The following KCNC4 variants were observed in gnomAD, a reference collection of about 807,000 sequenced individuals.
KCNC4 encodes the protein potassium voltage-gated channel subfamily C member 4, also known as voltage-gated potassium channel KCNC4.
KCNC4 carries 23 observed loss-of-function variants against 42.8 expected under a neutral mutation model. The observed-to-expected ratio is 0.54, with a 90% CI of 0.39 to 0.76. KCNC4 has a LOEUF of 0.76. Ranked by LOEUF, KCNC4 falls within the 30% of genes least tolerant of loss-of-function variation. The pLI is 0.00. For synonymous variants in KCNC4, 422 were observed against 393.5 expected, an observed-to-expected ratio of 1.07 and a Z score of -0.86; for missense variants, 751 against 898.2, an observed-to-expected ratio of 0.84 and a Z score of 2.10.
At position 110,211,359 on chromosome 1, in the gene KCNC4, CA is replaced by C. The variant is rs964820226; in HGVS notation, c.-139del. ...CGCGTCCTAGGGGGATAGGCAGGGGCAAGCCCAAGCCGCAGAGGGGGCCGCC... is the reference window on the plus strand; with the variant it reads ...CGCGTCCTAGGGGGATAGGCAGGGGCAGCCCAAGCCGCAGAGGGGGCCGCC... On this transcript the variant is annotated 5_prime_UTR_variant, in exon 1 of 4. Transcript: ENST00000438661. This position sits in a 1 kb window ranked among gnomAD's most constrained non-coding sequence, Gnocchi z 6.5. 3.1e-6 allele frequency: 4 copies of C among 1,282,184 alleles called. No homozygotes were observed. The African/African-American group carries it at 6.0e-5, about 19-fold the overall frequency. The allele number at this position is 1,282,184 out of a possible 1,614,324, so 79.4% of individuals were successfully genotyped here.
At chr1:110,232,716 C>T (rs903445369) in intron 3 of KCNC4, 195 bp from the exon 4 acceptor site, 17 of 1,506,084 alleles carry the variant, frequency 1.1e-5, no homozygotes, top group Non-Finnish European at 1.4e-5. Context: ...CCCTGGGTTC[C>T]TCATGCCTTC....
At chr1:110,214,425 A>G (rs916373761) in intron 1 of KCNC4, among the ~76,000 whole-genome samples, 3 of 152,152 alleles carry the variant, frequency 2.0e-5, no homozygotes, top group African/African-American at 7.2e-5. Flanking sequence ...GGCAAAGGCA[A>G]CCCTCACCTG....
At chr1:110,261,689 C>T (rs1341173395) in intron 1 of KCNC4, among the ~76,000 whole-genome samples, 3 of 152,048 alleles carry the variant, frequency 2.0e-5, no homozygotes, top group Non-Finnish European at 4.4e-5. Flanking sequence ...AAGTTAAAGC[C>T]ATATGTGCAC....
chr1:110,248,047 T>C (rs1659185954), exon 4 of KCNC4: 1 of 152,186 alleles, frequency 6.6e-6, no homozygotes. Context: ...TATGTAGATA[T>C]GGTAGGAAAA....
chr1:110,276,355 A>G (rs541169142), intron 1 of KCNC4, among the ~76,000 whole-genome samples: 2 of 151,688 alleles, frequency 1.3e-5, no homozygotes, highest in African/African-American at 4.8e-5. Flanking sequence ...TTATACGTGA[A>G]GAATGGGTTA....
At position 110,223,300 on chromosome 1, in the gene KCNC4, GC is replaced by G; in HGVS notation, c.1018del (p.Arg340AlafsTer35). 1 of 1,614,140 alleles carries G rather than the reference GC, an allele frequency of 6.2e-7. No homozygotes were observed. ...VGLSGLSSKA[A>X]RDVLGFLRVV... The stretch of plus-strand genomic sequence containing the variant: ...GCTGAGCGGCCTGTCATCCAAGGCG[GC>G]CCGCGACGTGCTGGGCTTCCTGCGC... On this transcript the variant is annotated frameshift_variant, in exon 2 of 4. Coordinates refer to ENST00000438661, the MANE Select transcript of KCNC4 (RefSeq NM_001039574.3). LOFTEE classifies it high-confidence loss of function. This position sits in a 1 kb window ranked among gnomAD's most constrained non-coding sequence, Gnocchi z 7.5.
chr1:110,276,810 A>G (rs908576585), intron 1 of KCNC4, among the ~76,000 whole-genome samples: 1 of 152,190 alleles, frequency 6.6e-6, no homozygotes, highest in African/African-American at 2.4e-5. Flanking sequence ...TCATGCAGGA[A>G]TAGTGTTATC....
At chr1:110,241,131 A>C (rs10857816) in exon 4 of KCNC4, 1 of 151,956 alleles carries the variant, frequency 6.6e-6, no homozygotes, top group Non-Finnish European at 1.5e-5. Flanking sequence ...GGTGGTGACA[A>C]GCTGGGTTTC....
chr1:110,212,207 C>T, intron 1 of KCNC4, 30 bp downstream of exon 1: 1 of 1,435,630 alleles, frequency 7.0e-7, no homozygotes, highest in Non-Finnish European at 9.0e-7. Context: ...GTCTCCCCAT[C>T]TTGGGTCTGC....
Position 110,223,050 on chromosome 1 carries a change from C to T in KCNC4, c.765C>T (p.Arg255=). 1 of 1,614,188 alleles carries T rather than the reference C, an allele frequency of 6.2e-7. No homozygotes were observed. The highest frequency in any genetic ancestry group is 1.1e-5 in the South Asian group (1 of 91,090). ...LETHEAFNID[R]NVTEILRVGN... ...CCCATGAGGCCTTTAATATCGACCGCAACGTGACAGAGATCCTCCGCGTAG... is the reference window on the plus strand; with the variant it reads ...CCCATGAGGCCTTTAATATCGACCGTAACGTGACAGAGATCCTCCGCGTAG... Residue 255 remains arginine, a synonymous_variant, in exon 2 of 4, where the codon CGC becomes CGT. Coordinates refer to ENST00000438661, the MANE Select transcript of KCNC4 (RefSeq NM_001039574.3). This position sits in a 1 kb window ranked among gnomAD's most constrained non-coding sequence, Gnocchi z 7.5.
At chr1:110,221,185 G>A (rs1018353895) in intron 1 of KCNC4, 17 of 152,230 alleles carry the variant, frequency 1.1e-4, no homozygotes, top group African/African-American at 3.9e-4. Flanking sequence ...CCTGTGAATT[G>A]ACCCTGCCTG....
In KCNC4 at chr1:110,211,352, G is replaced by T; in HGVS notation, c.-148G>T. ...CCCGCTCCGCGTCCTAGGGGGATAG[G>T]CAGGGGCAAGCCCAAGCCGCAGAGG... On this transcript the variant is annotated 5_prime_UTR_variant, in exon 1 of 4. Coordinates refer to ENST00000438661, the MANE Select transcript of KCNC4 (RefSeq NM_001039574.3). This position sits in a 1 kb window ranked among gnomAD's most constrained non-coding sequence, Gnocchi z 6.5. The T allele has an allele frequency of 2.5e-6, 3 of 1,192,268 alleles. No homozygotes were observed. The highest frequency in any genetic ancestry group is 2.3e-6 in the Non-Finnish European group (2 of 868,342). The allele number at this position is 1,192,268 out of a possible 1,614,324, so 73.9% of individuals were successfully genotyped here.
chr1:110,227,106 C>T (rs781539128), intron 3 of KCNC4, among the ~76,000 whole-genome samples: 35 of 152,190 alleles, frequency 2.3e-4, no homozygotes, highest in Non-Finnish European at 4.3e-4. Context: ...TGACTCCCTC[C>T]AAAACAGAGC....
intron 1 of KCNC4, among the ~76,000 whole-genome samples, chr1:110,268,599 C>A: frequency 9.7e-6 from 1 of 103,520 alleles, no homozygotes; most frequent in Non-Finnish European, 1.8e-5. Flanking sequence ...GAGCAAGAGA[C>A]TGTCTCAAAA....
At chr1:110,212,877 G>C (rs1172812248) in intron 1 of KCNC4, among the ~76,000 whole-genome samples, 4 of 152,164 alleles carry the variant, frequency 2.6e-5, no homozygotes, top group Non-Finnish European at 5.9e-5. Flanking sequence ...AACACGAAGG[G>C]CCTAGCGTTC....
exon 4 of KCNC4, chr1:110,247,897 C>T (rs891068771): frequency 5.9e-5 from 9 of 152,220 alleles, no homozygotes; most frequent in Non-Finnish European, 7.3e-5. Flanking sequence ...CAGAATGTTT[C>T]GCCCCTTAGC....
chr1:110,263,905 G>C (rs1055583167), intron 1 of KCNC4, among the ~76,000 whole-genome samples: 8 of 152,030 alleles, frequency 5.3e-5, no homozygotes, highest in African/African-American at 7.2e-5. Flanking sequence ...CTCTCCTCTG[G>C]GTACAAAGCT....
chr1:110,283,202 CG>C (rs1020908898), downstream of KCNC4: 3 of 152,120 alleles, frequency 2.0e-5, no homozygotes, highest in Admixed American at 2.0e-4. Context: ...AGAGAGCAAG[CG>C]CTGACTACCA....
chr1:110,220,678 C>A (rs1297351855), intron 1 of KCNC4: 1 of 152,204 alleles, frequency 6.6e-6, no homozygotes, highest in Non-Finnish European at 1.5e-5. Flanking sequence ...CTCTGTTTTT[C>A]AGGAGAGAGG....
Sources: gnomAD v4.1 joint callset for allele counts (sites outside exome capture counted in the v4.1 genomes callset) on GRCh38, gnomAD v4.1.1 for gene constraint, Gnocchi (gnomAD v3.1) non-coding constraint, MANE v1.5 for transcripts, NCBI Gene and HGNC (gene_info 2026-07-23, HGNC 2026-07-21) for gene names.